Variants in FRMPD1 observed in about 807,000 individuals in gnomAD.
FRMPD1 encodes the protein FERM and PDZ domain containing 1, also known as FERM and PDZ domain-containing protein 1.
In FRMPD1, 76 loss-of-function variants were observed where a neutral mutation model predicts 117.8. The observed-to-expected ratio is 0.65, with a 90% CI of 0.54 to 0.78. The LOEUF is 0.78. Ranked by LOEUF, FRMPD1 falls within the 30% of genes least tolerant of loss-of-function variation. The pLI, the probability that FRMPD1 is intolerant of heterozygous loss-of-function variation, is 0.00. For synonymous variants in FRMPD1, 783 were observed against 770.4 expected (o/e 1.02, Z -0.27); for missense variants, 1,786 against 1,964.5 (o/e 0.91, Z 1.72).
chr9:37,714,209 G>A (rs1420787709), intron 5 of FRMPD1, among the ~76,000 whole-genome samples: 1 of 152,198 alleles, frequency 6.6e-6, no homozygotes, highest in Non-Finnish European at 1.5e-5. Flanking sequence ...GGTAGTGAAG[G>A]TGTTAGGTCC....
chr9:37,719,175 A>G lies in FRMPD1; in HGVS notation c.515A>G (p.Gln172Arg), dbSNP rs202228676. 6.4e-6 allele frequency: 10 copies of G among 1,573,788 alleles called. No homozygotes were observed. Among genetic ancestry groups the G allele is most frequent in the African/African-American group, 1.3e-5 (1 of 74,170 alleles). The change falls in exon 6 of 16, where the codon CAG becomes CGG. Residue 172 changes from glutamine to arginine, a missense_variant and splice_region_variant. Transcript: ENST00000377765. ...AEEVLISGHS[Q>R]GNSLLCMPNV... ...GAAGTGCTCATCAGTGGACACAGCC[A>G]GGTGTGTCACTAGTCAAGGGATTGA...
At chr9:37,723,070 T>C (rs539738625) in intron 6 of FRMPD1, among the ~76,000 whole-genome samples, 2 of 152,254 alleles carry the variant, frequency 1.3e-5, no homozygotes, top group South Asian at 4.1e-4. Context: ...AGGGTGATAA[T>C]TGGGGTGAAT....
At chr9:37,647,694 A>T (rs1405786200), upstream of FRMPD1, among the ~76,000 whole-genome samples, 1 of 152,144 alleles carries the variant, frequency 6.6e-6, no homozygotes, top group Non-Finnish European at 1.5e-5. Flanking sequence ...CAGACGTGTA[A>T]ACAAATCATT....
intron 4 of FRMPD1, among the ~76,000 whole-genome samples, chr9:37,709,399 G>A (rs1034614327): frequency 1.3e-5 from 2 of 150,920 alleles, no homozygotes; most frequent in Non-Finnish European, 2.9e-5. Flanking sequence ...TGTTGCCTAG[G>A]CTGGTCTCAA....
rs903108642 is a variant in FRMPD1, at chr9:37,685,044, G to A, written c.-4-7594G>A. On this transcript the variant is annotated intron_variant, in intron 1 of 15. Coordinates refer to ENST00000377765, the MANE Select transcript of FRMPD1 (RefSeq NM_014907.3). ...GCTTGGATTACAGGCATGAGCCACCGCACCCAGCCAAGATGTCTTTCAAGA... is the reference window on the plus strand; with the variant it reads ...GCTTGGATTACAGGCATGAGCCACCACACCCAGCCAAGATGTCTTTCAAGA... 4.6e-5 allele frequency among the ~76,000 whole-genome samples: 7 copies of A among 152,124 alleles called. No individual in the cohort carries two copies. In the Middle Eastern group the frequency reaches 0.01, roughly 222 times the overall value.
At chr9:37,738,626 A>G (rs929124176) in intron 14 of FRMPD1, among the ~76,000 whole-genome samples, 2 of 152,192 alleles carry the variant, frequency 1.3e-5, no homozygotes, top group African/African-American at 4.8e-5. Context: ...GGCATGAGCC[A>G]CGGCGCCCAG....
chr9:37,662,582 G>C (rs1821033793), intron 1 of FRMPD1, among the ~76,000 whole-genome samples: 1 of 152,142 alleles, frequency 6.6e-6, no homozygotes, highest in Admixed American at 6.5e-5. Context: ...TCAATGTATG[G>C]GCCCACTGCC....
In FRMPD1 at chr9:37,719,068, G is replaced by C; in HGVS notation, c.409-1G>C. On this transcript the variant is annotated splice_acceptor_variant, in intron 5 of 15. Transcript: ENST00000377765. LOFTEE classifies it high-confidence loss of function. ...AAATGCATCATGTTACTGTTTTTCA[G>C]GGAGTCCCTAAATCGTCCTTCCTGA... The C allele has an allele frequency of 6.3e-7, 1 of 1,582,630 alleles. No homozygotes were observed. Among genetic ancestry groups the C allele is most frequent in the Non-Finnish European group, 8.7e-7 (1 of 1,151,322 alleles).
chr9:37,685,332 A>G (rs1821881829), intron 1 of FRMPD1, among the ~76,000 whole-genome samples: 1 of 152,126 alleles, frequency 6.6e-6, no homozygotes, highest in Non-Finnish European at 1.5e-5. Context: ...TTTTTGAAAC[A>G]TATTTTTCAG....
intron 2 of FRMPD1, among the ~76,000 whole-genome samples, chr9:37,694,041 C>T (rs1399035691): frequency 6.6e-6 from 1 of 152,166 alleles, no homozygotes; most frequent in Admixed American, 6.5e-5. Flanking sequence ...CTGTGAGGTC[C>T]AGGAAAGTAT....
the FRMPD1 span, among the ~76,000 whole-genome samples, chr9:37,609,745 C>T: frequency 6.7e-6 from 1 of 149,602 alleles, no homozygotes; most frequent in African/African-American, 2.4e-5. Flanking sequence ...AAAGCCCTTA[C>T]AATGGCTACA....
chr9:37,691,887 A>G (rs966849113), intron 1 of FRMPD1, among the ~76,000 whole-genome samples: 2 of 152,220 alleles, frequency 1.3e-5, no homozygotes, highest in Non-Finnish European at 2.9e-5. Context: ...AGCCTGGGTG[A>G]CAGAGCGAGA....
In FRMPD1 at chr9:37,738,145, G is replaced by A. The variant is rs60770728; in HGVS notation, c.1549+902G>A. Among the ~76,000 whole-genome samples, 741 of 152,304 alleles carry A rather than the reference G, an allele frequency of 4.9e-3. 8 individuals carry two copies. The highest frequency in any genetic ancestry group is 0.017 in the African/African-American group (694 of 41,550). ...AATTCCATGGTGTCAACATTCTCAC[G>A]ATGGGTAATTTCAGGCTACCACGAT... On this transcript the variant is annotated intron_variant, in intron 14 of 15. Coordinates refer to ENST00000377765, the MANE Select transcript of FRMPD1 (RefSeq NM_014907.3).
chr9:37,731,739 G>T (rs1823891803), intron 9 of FRMPD1, among the ~76,000 whole-genome samples: 1 of 152,090 alleles, frequency 6.6e-6, no homozygotes, highest in African/African-American at 2.4e-5. Context: ...CAGCCGTGGT[G>T]GCACACACCT....
At chr9:37,650,827 C>A (rs1820645844), upstream of FRMPD1, among the ~76,000 whole-genome samples, 1 of 149,076 alleles carries the variant, frequency 6.7e-6, no homozygotes, top group Non-Finnish European at 1.5e-5. Flanking sequence ...GGGCTCCTCC[C>A]CCGGGGCGGG....
intron 1 of FRMPD1, among the ~76,000 whole-genome samples, chr9:37,675,610 G>A (rs984220404): frequency 1.3e-5 from 2 of 152,246 alleles, no homozygotes; most frequent in African/African-American, 2.4e-5. Context: ...AGTGGGGAGA[G>A]TAGGGTGTTT....
At chr9:37,665,698 T>C (rs1362516565) in intron 1 of FRMPD1, among the ~76,000 whole-genome samples, 3 of 152,196 alleles carry the variant, frequency 2.0e-5, no homozygotes, top group African/African-American at 7.2e-5. Flanking sequence ...CCCCTTGAAG[T>C]CTTCACTGGG....
At chr9:37,723,182 C>G (rs1823471634) in intron 6 of FRMPD1, among the ~76,000 whole-genome samples, 1 of 152,142 alleles carries the variant, frequency 6.6e-6, no homozygotes, top group African/African-American at 2.4e-5. Flanking sequence ...CCATCCCACC[C>G]CAATCCTACA....
At chr9:37,638,097 G>A in the FRMPD1 span, among the ~76,000 whole-genome samples, 4 of 144,324 alleles carry the variant, frequency 2.8e-5, no homozygotes, top group South Asian at 2.3e-4. Flanking sequence ...CTTTCGAGAC[G>A]GAGTCTTGCT....
Sources: gnomAD v4.1 joint callset for allele counts (sites outside exome capture counted in the v4.1 genomes callset) on GRCh38, gnomAD v4.1.1 for gene constraint, MANE v1.5 for transcripts, NCBI Gene and HGNC (gene_info 2026-07-23, HGNC 2026-07-21) for gene names.